The following NBEA variants were observed in gnomAD, a reference collection of about 807,000 sequenced individuals.
NBEA encodes lysosomal-trafficking regulator 2.
NBEA carries 44 observed loss-of-function variants against 343.4 expected under a neutral mutation model. The observed-to-expected ratio is 0.13, with a 90% CI of 0.10 to 0.16. The LOEUF (loss-of-function observed/expected upper bound fraction) is 0.16, where lower values mean the gene tolerates loss of function less well. Ranked by LOEUF, NBEA falls within the 10% of genes least tolerant of loss-of-function variation. The pLI is 1.00. For synonymous variants in NBEA, 1,175 were observed against 1,238.7 expected (o/e 0.95, Z 1.08); for missense variants, 2,555 against 3,631.3 (o/e 0.70, Z 7.62).
intron 4 of NBEA, among the ~76,000 whole-genome samples, chr13:35,047,359 A>AT (rs1203191516): frequency 6.6e-6 from 1 of 152,032 alleles, no homozygotes; most frequent in Admixed American, 6.6e-5. Context: ...ATGGCTAGAT[A>AT]TGCAAATACA....
At chr13:35,197,747 G>T (rs142464752) in intron 31 of NBEA, among the ~76,000 whole-genome samples, 1 of 152,002 alleles carries the variant, frequency 6.6e-6, no homozygotes, top group Non-Finnish European at 1.5e-5. Context: ...TGATCCACCC[G>T]CCTTTGCCTC....
chr13:35,657,574 C>T (rs1003227662), intron 55 of NBEA, among the ~76,000 whole-genome samples: 3 of 152,100 alleles, frequency 2.0e-5, no homozygotes, highest in Non-Finnish European at 4.4e-5. Flanking sequence ...GACCTACCAG[C>T]GATGGCTTTA....
chr13:35,270,452 C>T (rs2034041681), intron 34 of NBEA, among the ~76,000 whole-genome samples: 1 of 152,178 alleles, frequency 6.6e-6, no homozygotes, highest in African/African-American at 2.4e-5. Flanking sequence ...AAGTGAGGTA[C>T]CTCGTTCATC....
At chr13:35,110,554 A>G (rs2066151017) in intron 12 of NBEA, among the ~76,000 whole-genome samples, 1 of 152,152 alleles carries the variant, frequency 6.6e-6, no homozygotes, top group Non-Finnish European at 1.5e-5. Flanking sequence ...ATAAATTATT[A>G]AATCATTTTA....
Position 35,445,123 on chromosome 13 carries a change from T to G in NBEA, c.6305-6969T>G, listed in dbSNP as rs376077382. On this transcript the variant is annotated intron_variant, in intron 39 of 58. Transcript: ENST00000379939. ...CTATCACTTGTTGAATACCTGATGT[T>G]GGATAGGCATTGTGCCAAGACCATA... is the stretch of plus-strand genomic sequence containing the variant. Among the ~76,000 whole-genome samples, 73 of 152,238 alleles carry G rather than the reference T, an allele frequency of 4.8e-4. 1 individual carries two copies. Among genetic ancestry groups the G allele is most frequent in the African/African-American group, 1.7e-3 (70 of 41,572 alleles).
chr13:35,481,497 T>A (rs369822034), intron 41 of NBEA, among the ~76,000 whole-genome samples: 9 of 151,954 alleles, frequency 5.9e-5, no homozygotes, highest in African/African-American at 2.2e-4. Context: ...ACCTAAAGAA[T>A]TTTTTATTGT....
At chr13:35,156,320 A>C (rs1287590045) in intron 20 of NBEA, 114 bp downstream of exon 20, 6 of 1,046,416 alleles carry the variant, frequency 5.7e-6, no homozygotes, top group Non-Finnish European at 7.9e-6. Flanking sequence ...TTTAATCATC[A>C]GAAAAGGCAT....
At chr13:35,456,916 TA>T (rs1343807142) in intron 40 of NBEA, among the ~76,000 whole-genome samples, 1 of 151,694 alleles carries the variant, frequency 6.6e-6, no homozygotes, top group Non-Finnish European at 1.5e-5. Flanking sequence ...CTGTAAATTG[TA>T]ATAATTTTTT....
At chr13:35,064,045 G>C (rs561202736) in intron 8 of NBEA, among the ~76,000 whole-genome samples, 2 of 152,000 alleles carry the variant, frequency 1.3e-5, no homozygotes, top group East Asian at 3.9e-4. Context: ...TATGGACATA[G>C]GTTATGGACA....
At chr13:35,454,395 G>A (rs535133980) in intron 40 of NBEA, among the ~76,000 whole-genome samples, 1 of 152,134 alleles carries the variant, frequency 6.6e-6, no homozygotes, top group Admixed American at 6.6e-5. Context: ...ACATCAATAC[G>A]TAACTGTTTT....
At chr13:35,548,511 T>C (rs1472251274) in intron 41 of NBEA, among the ~76,000 whole-genome samples, 1 of 152,200 alleles carries the variant, frequency 6.6e-6, no homozygotes, top group African/African-American at 2.4e-5. Flanking sequence ...GACATAATGC[T>C]ATGGGTATAA....
At chr13:35,045,276 T>C in intron 3 of NBEA, 30 bp from the exon 4 acceptor site, 1 of 1,550,156 alleles carries the variant, frequency 6.5e-7, no homozygotes, top group Non-Finnish European at 8.8e-7. Context: ...ATTTGTACAA[T>C]GACATTTCTT....
At chr13:35,342,997 G>C (rs2039673363) in intron 36 of NBEA, among the ~76,000 whole-genome samples, 1 of 151,930 alleles carries the variant, frequency 6.6e-6, no homozygotes, top group Non-Finnish European at 1.5e-5. Context: ...TAAAACTCCA[G>C]GTGAGTTCCA....
chr13:35,402,534 CAT>C lies in NBEA; in HGVS notation c.6180-29734_6180-29733del, dbSNP rs565876914. ...GATGGCTTACAGTTTTAAGGACTGA[CAT>C]GTGTAGGAAAAGAACCGAACCACAC... On this transcript the variant is annotated intron_variant, in intron 38 of 58. Transcript: ENST00000379939. 2.5e-4 allele frequency among the ~76,000 whole-genome samples: 38 copies of C among 152,110 alleles called. 1 individual carries two copies. The South Asian group carries it at 3.3e-3, about 13-fold the overall frequency.
intron 34 of NBEA, among the ~76,000 whole-genome samples, chr13:35,257,060 G>A (rs1319325724): frequency 6.6e-6 from 1 of 152,164 alleles, no homozygotes; most frequent in Non-Finnish European, 1.5e-5. Context: ...TCTTTGTAGT[G>A]GCCACTCCAG....
At chr13:35,434,669 T>G (rs185564910) in intron 39 of NBEA, among the ~76,000 whole-genome samples, 225 of 152,084 alleles carry the variant, frequency 1.5e-3, no homozygotes, top group Non-Finnish European at 2.9e-3. Context: ...GAGTGGAGAG[T>G]TGGGAGTAAA....
chr13:35,330,836 T>C (rs2038883307), intron 36 of NBEA, among the ~76,000 whole-genome samples: 1 of 152,050 alleles, frequency 6.6e-6, no homozygotes, highest in African/African-American at 2.4e-5. Context: ...GTCTTATTTT[T>C]CCATCTTGTT....
At chr13:35,450,051 T>A (rs2046228332) in intron 39 of NBEA, among the ~76,000 whole-genome samples, 1 of 152,216 alleles carries the variant, frequency 6.6e-6, no homozygotes, top group African/African-American at 2.4e-5. Flanking sequence ...GAGTCCATTT[T>A]TTCATATTTT....
At chr13:35,151,114 TAA>T (rs11450264) in intron 18 of NBEA, among the ~76,000 whole-genome samples, 10 of 134,796 alleles carry the variant, frequency 7.4e-5, no homozygotes, top group African/African-American at 8.3e-5. Context: ...ACACTGGCTC[TAA>T]AAAAAAAAAA....
Sources: allele counts gnomAD v4.1 joint callset (sites outside exome capture counted in the v4.1 genomes callset), GRCh38; gene constraint gnomAD v4.1.1; transcripts MANE v1.5; gene names NCBI Gene and HGNC (gene_info 2026-07-23, HGNC 2026-07-21).